STK38: variants seen among roughly 807,000 people sequenced by gnomAD.
STK38 encodes serine/threonine kinase 38.
A neutral mutation model predicts 59.0 loss-of-function variants in STK38; 26 were observed. The ratio of observed to expected loss-of-function variants is 0.44; its 90% CI spans 0.32 to 0.61. STK38 has a LOEUF of 0.61. Among genes scored for constraint, STK38 ranks in the 20% least tolerant of loss-of-function variants. The pLI is 0.04. For synonymous variants in STK38, 175 were observed against 176.6 expected (o/e 0.99, Z 0.07); for missense variants, 433 against 566.0 (o/e 0.76, Z 2.38).
At chr6:36,512,093 A>T (rs1465082691) in intron 7 of STK38, among the ~76,000 whole-genome samples, 1 of 152,150 alleles carries the variant, frequency 6.6e-6, no homozygotes, top group Non-Finnish European at 1.5e-5. Flanking sequence ...AGAAAGAAAG[A>T]AAGTAAAACT....
chr6:36,499,822 AAAG>A, intron 10 of STK38, 48 bp downstream of exon 10: 1 of 1,412,378 alleles, frequency 7.1e-7, no homozygotes, highest in Non-Finnish European at 1.0e-6. Flanking sequence ...TATCAATGTA[AAAG>A]TCTGTCATGG....
At chr6:36,527,207 A>AAAAAAAAAAAAAAAAAATAT (rs60162863) in intron 2 of STK38, among the ~76,000 whole-genome samples, 2 of 119,348 alleles carry the variant, frequency 1.7e-5, no homozygotes, top group African/African-American at 7.0e-5. Context: ...AAAAAAAAAA[A>AAAAAAAAAAAAAAAAAATAT]ATATATGTAT....
At chr6:36,536,783 A>G (rs1440967248) in intron 2 of STK38, among the ~76,000 whole-genome samples, 3 of 151,506 alleles carry the variant, frequency 2.0e-5, no homozygotes, top group Non-Finnish European at 4.4e-5. Flanking sequence ...TGATCCGCCC[A>G]CCTCGGCCTC....
At chr6:36,505,640 T>C (rs192705903) in intron 9 of STK38, among the ~76,000 whole-genome samples, 15 of 152,324 alleles carry the variant, frequency 9.8e-5, no homozygotes, top group Admixed American at 6.5e-4. Context: ...ACTTGCCAAG[T>C]TACTACCATA....
chr6:36,544,451 G>A (rs1582474109), intron 1 of STK38, among the ~76,000 whole-genome samples: 1 of 152,218 alleles, frequency 6.6e-6, no homozygotes, highest in East Asian at 1.9e-4. Context: ...CTCTAAGTGT[G>A]TTTGGTGAAG....
intron 7 of STK38, among the ~76,000 whole-genome samples, chr6:36,510,924 C>T (rs1047970139): frequency 2.0e-5 from 3 of 152,182 alleles, no homozygotes; most frequent in Admixed American, 6.5e-5. Flanking sequence ...GGCATTAATG[C>T]ATGTAAGACT....
rs750998261 is a variant in STK38 at position 36,521,792 on chromosome 6, G to A, written c.332C>T (p.Thr111Met). The change falls in exon 5 of 14, where the codon ACG (threonine) becomes ATG (methionine). Residue 111 changes from threonine (T) to methionine (M), a missense_variant. Coordinates refer to ENST00000229812, the MANE Select transcript of STK38 (RefSeq NM_007271.4). ...GEVRLVQKKD[T>M]GHVYAMKILR... Reference sequence around the variant, plus strand: ...TATTTTCATTGCATACACATGTCCCGTATCTTTCTTCTGAACAAGCCGTAC... The same window carrying A: ...TATTTTCATTGCATACACATGTCCCATATCTTTCTTCTGAACAAGCCGTAC... 3.1e-6 allele frequency: 5 copies of A among 1,609,334 alleles called. No individual in the cohort carries two copies. Among genetic ancestry groups the A allele is most frequent in the African/African-American group, 1.3e-5 (1 of 74,696 alleles).
chr6:36,507,930 ATT>A (rs35789250), intron 7 of STK38, among the ~76,000 whole-genome samples: 33 of 113,222 alleles, frequency 2.9e-4, no homozygotes, highest in Admixed American at 7.4e-4. Context: ...GGTATTCAGA[ATT>A]TTTTTTTTTT....
chr6:36,538,303 CAAAAAAAG>C (rs1777847292), intron 2 of STK38, among the ~76,000 whole-genome samples: 1 of 139,786 alleles, frequency 7.2e-6, no homozygotes, highest in African/African-American at 2.7e-5. Flanking sequence ...GACTCCGTCT[CAAAAAAAG>C]AAAAAAAGAA....
chr6:36,506,647 G>A lies in STK38; in HGVS notation c.773-3C>T. 2 of 1,612,346 alleles carry A rather than the reference G, an allele frequency of 1.2e-6. No individual in the cohort carries two copies. The highest frequency in any genetic ancestry group is 1.7e-6 in the Non-Finnish European group (2 of 1,179,586). ...TTTGGAATTCATGTTCTGGAAAGCT[G>A]AAAGTAAAGAATACAAGCTGCAGTC... On this transcript the variant is annotated splice_region_variant and splice_polypyrimidine_tract_variant and intron_variant, in intron 8 of 13. Transcript: ENST00000229812.
intron 5 of STK38, 147 bp downstream of exon 5, chr6:36,521,587 G>A (rs981214776): frequency 1.7e-5 from 7 of 419,604 alleles, no homozygotes; most frequent in South Asian, 1.4e-4. Context: ...TTCTTTGTAG[G>A]GGGAAAAAGG....
intron 2 of STK38, among the ~76,000 whole-genome samples, chr6:36,531,177 A>G (rs1489114481): frequency 2.0e-5 from 3 of 152,244 alleles, no homozygotes. Flanking sequence ...TTAGTATTAG[A>G]TAAGACCAAA....
At chr6:36,524,274 A>C in intron 4 of STK38, 67 bp downstream of exon 4, 1 of 1,542,378 alleles carries the variant, frequency 6.5e-7, no homozygotes, top group East Asian at 2.3e-5. Context: ...ATCATGACTT[A>C]ATGGTATGTT....
At chr6:36,507,938 T>TC (rs2127471222) in intron 7 of STK38, among the ~76,000 whole-genome samples, 1 of 147,368 alleles carries the variant, frequency 6.8e-6, no homozygotes, top group African/African-American at 2.5e-5. Context: ...GAATTTTTTT[T>TC]TTTTTTTTTT....
chr6:36,497,390 C>T (rs1346699405), intron 12 of STK38, among the ~76,000 whole-genome samples: 1 of 152,216 alleles, frequency 6.6e-6, no homozygotes, highest in African/African-American at 2.4e-5. Flanking sequence ...CCACTTCCAC[C>T]CCTCCAATCT....
At chr6:36,519,964 A>G (rs1315433057) in intron 5 of STK38, among the ~76,000 whole-genome samples, 1 of 152,220 alleles carries the variant, frequency 6.6e-6, no homozygotes, top group Non-Finnish European at 1.5e-5. Flanking sequence ...ATTCCTACCC[A>G]GTTTATTTAG....
At chr6:36,503,211 C>T (rs899699610) in intron 9 of STK38, among the ~76,000 whole-genome samples, 3 of 151,966 alleles carry the variant, frequency 2.0e-5, no homozygotes, top group African/African-American at 7.3e-5. Context: ...TTCTTTACGT[C>T]TTTTGATATA....
chr6:36,537,176 C>A (rs1777813381), intron 2 of STK38, among the ~76,000 whole-genome samples: 2 of 152,088 alleles, frequency 1.3e-5, no homozygotes, highest in South Asian at 4.1e-4. Flanking sequence ...AAATGTTCAA[C>A]ATCATTAGTC....
At chr6:36,543,103 C>T (rs376520785) in intron 1 of STK38, among the ~76,000 whole-genome samples, 36 of 151,288 alleles carry the variant, frequency 2.4e-4, no homozygotes, top group African/African-American at 8.7e-4. Flanking sequence ...CTCGCTCTGT[C>T]GCCCAGGCTG....
Sources: gnomAD v4.1 joint callset for allele counts (sites outside exome capture counted in the v4.1 genomes callset) on GRCh38, gnomAD v4.1.1 for gene constraint, MANE v1.5 for transcripts, NCBI Gene and HGNC (gene_info 2026-07-23, HGNC 2026-07-21) for gene names.